The following CNTN4 variants were observed in gnomAD, a reference collection of about 807,000 sequenced individuals.
The protein encoded by CNTN4 is contactin 4.
A neutral mutation model predicts 122.5 loss-of-function variants in CNTN4; 77 were observed. That is an observed-to-expected ratio of 0.63 (90% CI 0.52 to 0.76). CNTN4 has a LOEUF of 0.76. CNTN4 is among the 30% of genes least tolerant of loss of function. The probability of loss-of-function intolerance (pLI) is 0.00; values close to 1 mark genes in which losing one functional copy is unlikely to be tolerated. For synonymous variants in CNTN4, 512 were observed against 447.0 expected (o/e 1.15, Z -1.83); for missense variants, 1,256 against 1,259.1 (o/e 1.00, Z 0.04).
chr3:3,027,114 T>G (rs569615978), intron 15 of CNTN4, among the ~76,000 whole-genome samples: 2 of 152,336 alleles, frequency 1.3e-5, no homozygotes, highest in South Asian at 2.1e-4. Context: ...ATAAGTGGCC[T>G]AAAGTCATCC....
At chr3:2,226,611 C>T (rs1048582193) in intron 2 of CNTN4, among the ~76,000 whole-genome samples, 1 of 151,964 alleles carries the variant, frequency 6.6e-6, no homozygotes, top group Non-Finnish European at 1.5e-5. Flanking sequence ...GGCAAACAAC[C>T]CTTAGATTTC....
intron 3 of CNTN4, among the ~76,000 whole-genome samples, chr3:2,424,319 G>GT (rs2047733677): frequency 1.3e-5 from 2 of 148,614 alleles, no homozygotes; most frequent in African/African-American, 2.5e-5. Flanking sequence ...TGTGATGTTT[G>GT]TTTTTTTGTC....
chr3:2,288,088 TTAGAA>T (rs1286989757), intron 2 of CNTN4, among the ~76,000 whole-genome samples: 1 of 152,062 alleles, frequency 6.6e-6, no homozygotes, highest in Non-Finnish European at 1.5e-5. Flanking sequence ...AGAAAATAAA[TTAGAA>T]TAGATATTAG....
intron 2 of CNTN4, among the ~76,000 whole-genome samples, chr3:2,291,948 C>G (rs911126130): frequency 6.6e-6 from 1 of 152,078 alleles, no homozygotes; most frequent in Non-Finnish European, 1.5e-5. Flanking sequence ...ATTGGTCAGG[C>G]TGGTCTCGAA....
intron 3 of CNTN4, among the ~76,000 whole-genome samples, chr3:2,361,935 T>A (rs980507109): frequency 6.6e-6 from 1 of 152,122 alleles, no homozygotes; most frequent in Non-Finnish European, 1.5e-5. Flanking sequence ...TATAGATACA[T>A]GATTTATGGT....
intron 3 of CNTN4, among the ~76,000 whole-genome samples, chr3:2,567,284 T>C (rs1011842498): frequency 2.2e-4 from 33 of 152,168 alleles, no homozygotes; most frequent in Non-Finnish European, 4.0e-4. Flanking sequence ...GATGGGGTTT[T>C]GCCGTGTTAG....
At chr3:2,514,152 C>T (rs933133883) in intron 3 of CNTN4, among the ~76,000 whole-genome samples, 1 of 152,246 alleles carries the variant, frequency 6.6e-6, no homozygotes, top group Admixed American at 6.5e-5. Context: ...GTTTTGGACC[C>T]TCGGCAGACT....
At chr3:3,002,166 C>T (rs1412388805) in intron 14 of CNTN4, among the ~76,000 whole-genome samples, 5 of 152,008 alleles carry the variant, frequency 3.3e-5, no homozygotes, top group South Asian at 4.2e-4. Flanking sequence ...ACCATAAAGC[C>T]GTTTTCTAAT....
chr3:2,833,633 AG>A (rs67360623), intron 7 of CNTN4, among the ~76,000 whole-genome samples: 69,811 of 151,958 alleles, frequency 0.46, 18,334 homozygotes, highest in East Asian at 0.8. Context: ...TAATAATTAA[AG>A]AAGAAAGGAT....
rs200893694 is a variant in CNTN4 at position 3,037,160 on chromosome 3, A to G, written c.1943-19A>G. 1.9e-6 allele frequency: 3 copies of G among 1,614,052 alleles called. No homozygotes were observed. In the Admixed American group the frequency reaches 5.0e-5, roughly 27 times the overall value. ...TCTGAGAACCTATGAAACAGCCCCC[A>G]CCTTTTGTTGTCTTTCAGTCCCAGA... On this transcript the variant is annotated intron_variant, in intron 17 of 24. Coordinates refer to ENST00000418658, the MANE Select transcript of CNTN4 (RefSeq NM_175607.3).
At chr3:2,543,920 T>A (rs1263657812) in intron 3 of CNTN4, among the ~76,000 whole-genome samples, 1 of 152,130 alleles carries the variant, frequency 6.6e-6, no homozygotes, top group Non-Finnish European at 1.5e-5. Context: ...AAGAGCTATC[T>A]TGGTATGAAG....
chr3:2,512,318 T>C (rs189819198), intron 3 of CNTN4, among the ~76,000 whole-genome samples: 2 of 152,272 alleles, frequency 1.3e-5, no homozygotes, highest in Admixed American at 6.5e-5. Flanking sequence ...TAGCCCCTTA[T>C]TGCTTTTGAA....
At chr3:2,834,928 T>C (rs4685568) in intron 7 of CNTN4, among the ~76,000 whole-genome samples, 33,267 of 127,542 alleles carry the variant, frequency 0.26, 5,636 homozygotes, top group East Asian at 0.46. Context: ...TTTTTGAGAC[T>C]GAGTCTCTCT....
chr3:2,982,530 C>T (rs1412745234), intron 13 of CNTN4, among the ~76,000 whole-genome samples: 1 of 152,132 alleles, frequency 6.6e-6, no homozygotes, highest in African/African-American at 2.4e-5. Context: ...GGATGGCTTC[C>T]TTAAGGCATG....
In CNTN4 at chr3:2,534,562, G is replaced by A. The variant is rs549527600; in HGVS notation, c.-88-36854G>A. 4.1e-4 allele frequency among the ~76,000 whole-genome samples: 62 copies of A among 152,066 alleles called. No individual in the cohort carries two copies. In the South Asian group the frequency reaches 8.8e-3, roughly 21 times the overall value. ...CTTTTTCTGAGACACTGTGTTGAGC[G>A]GAGATCTTAGCCATGTACTGTTGGT... On this transcript the variant is annotated intron_variant, in intron 3 of 24. Transcript: ENST00000418658.
intron 4 of CNTN4, among the ~76,000 whole-genome samples, chr3:2,669,903 T>C (rs187571987): frequency 6.6e-6 from 1 of 152,238 alleles, no homozygotes. Context: ...TTGAGCAGTT[T>C]TGAGTGAGTT....
chr3:2,871,745 C>A (rs1385945453), intron 8 of CNTN4, among the ~76,000 whole-genome samples: 1 of 152,094 alleles, frequency 6.6e-6, no homozygotes, highest in Non-Finnish European at 1.5e-5. Context: ...TGTTTGGGCT[C>A]TAGATTTAGA....
At chr3:2,171,967 C>T (rs951079858) in intron 2 of CNTN4, among the ~76,000 whole-genome samples, 2 of 152,076 alleles carry the variant, frequency 1.3e-5, no homozygotes, top group Non-Finnish European at 2.9e-5. Flanking sequence ...TTCCTGACCT[C>T]GTGAATCAGA....
At position 2,506,298 on chromosome 3, in the gene CNTN4, C is replaced by G. The variant is rs550932635; in HGVS notation, c.-88-65118C>G. Among the ~76,000 whole-genome samples the G allele has an allele frequency of 8.5e-5, 13 of 152,232 alleles. No homozygotes were observed. The South Asian group carries it at 2.3e-3, about 27-fold the overall frequency. On this transcript the variant is annotated intron_variant, in intron 3 of 24. Coordinates refer to ENST00000418658, the MANE Select transcript of CNTN4 (RefSeq NM_175607.3). ...ACCTAGCGCCTACACGCCCTGGAGC[C>G]GACAAAAGAGCTCAGTACCAGAGCC...
Sources: gnomAD v4.1 joint callset for allele counts (sites outside exome capture counted in the v4.1 genomes callset) on GRCh38, gnomAD v4.1.1 for gene constraint, MANE v1.5 for transcripts, NCBI Gene and HGNC (gene_info 2026-07-23, HGNC 2026-07-21) for gene names.